Variants in ZNF578 observed in about 807,000 individuals in gnomAD.
ZNF578 encodes the protein zinc finger protein 578.
In ZNF578, 8 loss-of-function variants were observed where a neutral mutation model predicts 8.3. The ratio of observed to expected loss-of-function variants is 0.96; its 90% CI spans 0.56 to 1.74. ZNF578 has a LOEUF of 1.74. Among genes scored for constraint, ZNF578 ranks in the 40% most tolerant of loss-of-function variants. The probability of loss-of-function intolerance (pLI) is 0.00; values close to 1 mark genes in which losing one functional copy is unlikely to be tolerated. For missense variants in ZNF578, 726 were observed against 707.5 expected (o/e 1.03, Z -0.30); for synonymous variants, 206 against 232.2 (o/e 0.89, Z 1.03).
intron 2 of ZNF578, among the ~76,000 whole-genome samples, chr19:52,480,010 T>C (rs1651538): frequency 0.16 from 24,394 of 151,946 alleles, 3,718 homozygotes; most frequent in African/African-American, 0.39. Context: ...CCCGGGTTCA[T>C]GCCATTCTCC....
intron 2 of ZNF578, among the ~76,000 whole-genome samples, chr19:52,481,267 T>G (rs953217134): frequency 2.0e-5 from 3 of 152,220 alleles, no homozygotes; most frequent in African/African-American, 4.8e-5. Flanking sequence ...CAGACCTTCT[T>G]CCTTCATGTC....
chr19:52,506,173 A>G (rs553139879), intron 5 of ZNF578, among the ~76,000 whole-genome samples: 1 of 152,136 alleles, frequency 6.6e-6, no homozygotes, highest in African/African-American at 2.4e-5. Flanking sequence ...TGCTGGGATT[A>G]CAGTCATGAG....
chr19:52,505,440 T>G (rs2059422437), intron 5 of ZNF578, among the ~76,000 whole-genome samples: 1 of 152,142 alleles, frequency 6.6e-6, no homozygotes, highest in Non-Finnish European at 1.5e-5. Flanking sequence ...TGTTTTTGTT[T>G]TTGAGACAGT....
rs149944324 is a variant in ZNF578 at position 52,491,604 on chromosome 19, A to G, written c.-20+179A>G. Among the ~76,000 whole-genome samples the G allele has an allele frequency of 9.2e-5, 14 of 151,716 alleles. No individual in the cohort carries two copies. The East Asian group carries it at 1.9e-3, about 21-fold the overall frequency. ...GTCGTGTGCGCTTGTAATACCAGAT[A>G]CTCCAAAGGCTGAGGCAGAAGAATA... is the stretch of plus-strand genomic sequence containing the variant. On this transcript the variant is annotated intron_variant, in intron 3 of 5. Transcript: ENST00000421239.
intron 2 of ZNF578, among the ~76,000 whole-genome samples, chr19:52,487,658 T>A (rs770378760): frequency 6.6e-6 from 1 of 152,162 alleles, no homozygotes; most frequent in Non-Finnish European, 1.5e-5. Context: ...TGAGACAGGG[T>A]ACGGCTCTAT....
intron 2 of ZNF578, among the ~76,000 whole-genome samples, chr19:52,483,715 G>A (rs1287327215): frequency 6.6e-6 from 1 of 152,144 alleles, no homozygotes; most frequent in Non-Finnish European, 1.5e-5. Context: ...GTAACTAAGG[G>A]CAATGCATAT....
At chr19:52,475,297 A>G (rs1320357091) in intron 2 of ZNF578, 1 of 217,802 alleles carries the variant, frequency 4.6e-6, no homozygotes, top group Non-Finnish European at 9.8e-6. Context: ...CACCACTTAC[A>G]TTTATTAACG....
chr19:52,464,395 A>G (rs1269079205), intron 2 of ZNF578, among the ~76,000 whole-genome samples: 5 of 152,224 alleles, frequency 3.3e-5, no homozygotes, highest in African/African-American at 7.2e-5. Flanking sequence ...ATAAGTAGCA[A>G]TTCCTAAGGT....
chr19:52,494,048 T>C, intron 3 of ZNF578, among the ~76,000 whole-genome samples: 1 of 147,868 alleles, frequency 6.8e-6, no homozygotes, highest in East Asian at 2.0e-4. Context: ...GGAAGAGAAG[T>C]AATAGAGGGA....
chr19:52,484,728 A>C (rs2059338894), intron 2 of ZNF578, among the ~76,000 whole-genome samples: 1 of 151,694 alleles, frequency 6.6e-6, no homozygotes, highest in South Asian at 2.1e-4. Flanking sequence ...ATCCTGGCTC[A>C]AAAGCTCCCC....
chr19:52,471,056 T>C (rs2059290278), intron 2 of ZNF578, among the ~76,000 whole-genome samples: 1 of 152,200 alleles, frequency 6.6e-6, no homozygotes, highest in Non-Finnish European at 1.5e-5. Context: ...GTTCTGGCCA[T>C]GTGAAGTGCC....
chr19:52,474,658 TG>T (rs1420016857), intron 2 of ZNF578: 1 of 311,212 alleles, frequency 3.2e-6, no homozygotes, highest in Admixed American at 4.2e-5. Context: ...CTCTCCAGTA[TG>T]AATTCTCTGA....
At chr19:52,459,041 G>A (rs1013549495) in intron 2 of ZNF578, among the ~76,000 whole-genome samples, 13 of 152,106 alleles carry the variant, frequency 8.5e-5, no homozygotes, top group African/African-American at 2.7e-4. Flanking sequence ...GAATGGCTGT[G>A]GATTCCTAGT....
chr19:52,499,800 C>T (rs1221804651), intron 3 of ZNF578, among the ~76,000 whole-genome samples: 1 of 151,464 alleles, frequency 6.6e-6, no homozygotes, highest in African/African-American at 2.4e-5. Context: ...ATTCTCCTGC[C>T]TCAGACTCCC....
At chr19:52,508,229 C>T (rs1311073133) in intron 5 of ZNF578, among the ~76,000 whole-genome samples, 1 of 151,820 alleles carries the variant, frequency 6.6e-6, no homozygotes, top group Non-Finnish European at 1.5e-5. Context: ...CCTATAGTCC[C>T]AGCTACTTGG....
chr19:52,474,014 T>C, intron 2 of ZNF578: 1 of 417,124 alleles, frequency 2.4e-6, no homozygotes, highest in Non-Finnish European at 4.9e-6. Context: ...AGTTCTCCAA[T>C]GTCGTGCAAG....
At chr19:52,497,817 T>G (rs2059392220) in intron 3 of ZNF578, among the ~76,000 whole-genome samples, 1 of 152,182 alleles carries the variant, frequency 6.6e-6, no homozygotes, top group African/African-American at 2.4e-5. Flanking sequence ...TCTTATGTCA[T>G]CTGAAAAAAT....
chr19:52,471,536 C>T (rs377127481), intron 2 of ZNF578, among the ~76,000 whole-genome samples: 1 of 152,008 alleles, frequency 6.6e-6, no homozygotes, highest in African/African-American at 2.4e-5. Flanking sequence ...AGTGCCCCCT[C>T]CTTTTGCACC....
intron 3 of ZNF578, among the ~76,000 whole-genome samples, chr19:52,501,015 A>T (rs1430617809): frequency 6.6e-6 from 1 of 151,398 alleles, no homozygotes; most frequent in African/African-American, 2.4e-5. Context: ...AATAGCTGGG[A>T]TTATGGGCAC....
Sources: gnomAD v4.1 joint callset for allele counts (sites outside exome capture counted in the v4.1 genomes callset) on GRCh38, gnomAD v4.1.1 for gene constraint, MANE v1.5 for transcripts, NCBI Gene and HGNC (gene_info 2026-07-23, HGNC 2026-07-21) for gene names.